Variants in PCDHGB2 observed in about 807,000 individuals in gnomAD.
The protein encoded by PCDHGB2 is protocadherin gamma-B2.
Under a neutral mutation model 59.3 loss-of-function variants are expected in PCDHGB2, and 55 were observed. The ratio of observed to expected loss-of-function variants is 0.93; its 90% CI spans 0.75 to 1.16. The LOEUF (loss-of-function observed/expected upper bound fraction) is 1.16, where lower values mean the gene tolerates loss of function less well. Among genes scored for constraint, PCDHGB2 ranks in the 50% most tolerant of loss-of-function variants. The probability of loss-of-function intolerance (pLI) is 0.00; values close to 1 mark genes in which losing one functional copy is unlikely to be tolerated. For synonymous variants in PCDHGB2, 516 were observed against 512.0 expected (o/e 1.01, Z -0.11); for missense variants, 1,228 against 1,198.5 (o/e 1.02, Z -0.36).
chr5:141,375,128 G>C (rs372521976), intron 1 of PCDHGB2: 1 of 1,613,780 alleles, frequency 6.2e-7, no homozygotes, highest in Non-Finnish European at 8.5e-7. Flanking sequence ...AGAAGTGGTT[G>C]TTACATCTGG....
chr5:141,384,651 C>T (rs138410124), intron 1 of PCDHGB2: 42,093 of 1,614,188 alleles, frequency 0.026, 638 homozygotes, highest in Non-Finnish European at 0.031. Context: ...CCGCAGAGCC[C>T]GGCTACCTGG....
At chr5:141,419,034 T>C in intron 1 of PCDHGB2, 1 of 1,613,902 alleles carries the variant, frequency 6.2e-7, no homozygotes, top group Non-Finnish European at 8.5e-7. Flanking sequence ...GGTGTTCCAT[T>C]TAAGATTCAT....
chr5:141,444,472 C>A (rs559334960), intron 1 of PCDHGB2, among the ~76,000 whole-genome samples: 2 of 151,850 alleles, frequency 1.3e-5, no homozygotes, highest in Non-Finnish European at 2.9e-5. Context: ...CGCCCGGTCG[C>A]GTACTGGATT....
Position 141,477,354 on chromosome 5 carries a change from C to T in PCDHGB2, c.2422-17453C>T, listed in dbSNP as rs1164062950. On this transcript the variant is annotated intron_variant, in intron 1 of 3. Coordinates refer to ENST00000522605, the MANE Select transcript of PCDHGB2 (RefSeq NM_018923.3). This position sits in a 1 kb window ranked among gnomAD's most constrained non-coding sequence, Gnocchi z 4.9. ...AATTACTTCACTTTGAAAACCAGTG[C>T]AGACCTGGATCGGGAGACTGTGCCA... 14 of 1,614,202 alleles carry T rather than the reference C, an allele frequency of 8.7e-6. No homozygotes were observed. The highest frequency in any genetic ancestry group is 1.1e-5 in the Non-Finnish European group (13 of 1,180,036).
chr5:141,422,577 T>G, intron 1 of PCDHGB2: 1 of 1,613,848 alleles, frequency 6.2e-7, no homozygotes, highest in Non-Finnish European at 8.5e-7. Context: ...ACGATAACCC[T>G]CCCGTTTTTC....
intron 1 of PCDHGB2, chr5:141,410,442 C>G (rs1444532577): frequency 6.2e-7 from 1 of 1,613,942 alleles, no homozygotes; most frequent in Admixed American, 1.7e-5. Context: ...AGTGAGGGGA[C>G]TTTGCCTTAT....
chr5:141,427,528 A>G (rs1360860476), intron 1 of PCDHGB2: 1 of 617,748 alleles, frequency 1.6e-6, no homozygotes, highest in Non-Finnish European at 3.0e-6. Context: ...CGGATCCCGG[A>G]GTACAACGTC....
Position 141,477,060 on chromosome 5 carries a change from C to G in PCDHGB2, c.2422-17747C>G. On this transcript the variant is annotated intron_variant, in intron 1 of 3. Coordinates refer to ENST00000522605, the MANE Select transcript of PCDHGB2 (RefSeq NM_018923.3). The surrounding 1 kb of genome is among the most constrained non-coding windows in gnomAD (Gnocchi z 4.9). ...AAGGGTCGGCTGGACTTCGAGGACA[C>G]CAAACTCCATGAGATTTACATCCAG... The G allele has an allele frequency of 1.2e-6, 2 of 1,614,256 alleles. No individual in the cohort carries two copies. The highest frequency in any genetic ancestry group is 2.2e-5 in the South Asian group (2 of 91,086).
chr5:141,370,196 T>C (rs1298112145), intron 1 of PCDHGB2: 4 of 533,354 alleles, frequency 7.5e-6, no homozygotes, highest in Admixed American at 3.6e-5. Context: ...GCTAGTGCTG[T>C]GCAAAATATT....
intron 1 of PCDHGB2, chr5:141,428,599 A>G (rs1324155257): frequency 8.9e-6 from 2 of 223,902 alleles, no homozygotes; most frequent in Non-Finnish European, 1.8e-5. Context: ...AGCAAGCTTC[A>G]CTGAAGAGAA....
intron 1 of PCDHGB2, chr5:141,382,906 G>A (rs1778564792): frequency 6.5e-7 from 1 of 1,544,848 alleles, no homozygotes; most frequent in Non-Finnish European, 8.7e-7. Context: ...GACTATGGCG[G>A]CTCAGCCGAG....
rs2094308599 is a variant in PCDHGB2 at position 141,402,798 on chromosome 5, C to T, written c.2421+40242C>T. ...TTTCCAGTTCTGCGGCTACACAAAA[C>T]CCGGCAGATACCACAAACCTGCTCC... On this transcript the variant is annotated intron_variant, in intron 1 of 3. Transcript: ENST00000522605. 7.6e-6 allele frequency: 8 copies of T among 1,054,376 alleles called. No individual in the cohort carries two copies. The South Asian group carries it at 1.6e-4, about 20-fold the overall frequency. The allele number at this position is 1,054,376 out of a possible 1,614,324, so 65.3% of individuals were successfully genotyped here. A position where few individuals can be genotyped will look rare whatever the true frequency, so the allele number is the denominator to read the frequency against.
At chr5:141,461,133 T>C (rs2099009646) in intron 1 of PCDHGB2, among the ~76,000 whole-genome samples, 1 of 152,086 alleles carries the variant, frequency 6.6e-6, no homozygotes, top group South Asian at 2.1e-4. Flanking sequence ...TAATTACTTA[T>C]TTTCCTTTGG....
intron 1 of PCDHGB2, chr5:141,372,525 A>G: frequency 6.2e-7 from 1 of 1,613,804 alleles, no homozygotes; most frequent in South Asian, 1.1e-5. Flanking sequence ...GATTCTGGCA[A>G]TCTCCCTGCG....
intron 1 of PCDHGB2, chr5:141,405,447 T>C (rs2094668355): frequency 7.5e-7 from 1 of 1,339,134 alleles, no homozygotes; most frequent in South Asian, 1.3e-5. Flanking sequence ...TGAGACAGAG[T>C]CTTACTCTGT....
chr5:141,421,679 C>A, intron 1 of PCDHGB2: 1 of 1,613,810 alleles, frequency 6.2e-7, no homozygotes, highest in East Asian at 2.2e-5. Flanking sequence ...ATTCCTGGGG[C>A]GCGATTTGCT....
rs200491568 is a variant in PCDHGB2, at chr5:141,493,146, G to A, written c.2422-1661G>A. 9.6e-6 allele frequency among the ~76,000 whole-genome samples: 1 copy of A among 104,172 alleles called. No homozygotes were observed. The highest frequency in any genetic ancestry group is 3.1e-5 in the African/African-American group (1 of 32,680). 68.3% of individuals were successfully genotyped at this position (104,172 alleles called of 152,430 possible). A position where few individuals can be genotyped will look rare whatever the true frequency, so the allele number is the denominator to read the frequency against. On this transcript the variant is annotated intron_variant, in intron 1 of 3. Transcript: ENST00000522605. The surrounding 1 kb of genome is among the most constrained non-coding windows in gnomAD (Gnocchi z 4.3). ...AGGACTGTATTTTGAAACACCCCCA[G>A]GTGATTTTGATAGCTGATTGAGAGA... is the stretch of plus-strand genomic sequence containing the variant.
intron 1 of PCDHGB2, chr5:141,419,649 A>C: frequency 6.2e-7 from 1 of 1,612,422 alleles, no homozygotes; most frequent in Non-Finnish European, 8.5e-7. Context: ...GTGGACGCGG[A>C]CTCGGGGCAC....
chr5:141,415,533 G>A (rs749139053), intron 1 of PCDHGB2: 11 of 1,614,198 alleles, frequency 6.8e-6, no homozygotes, highest in Non-Finnish European at 6.8e-6. Flanking sequence ...TCATCAGCCA[G>A]GAGAGCTGTG....
Sources: gnomAD v4.1 joint callset for allele counts (sites outside exome capture counted in the v4.1 genomes callset) on GRCh38, gnomAD v4.1.1 for gene constraint, Gnocchi (gnomAD v3.1) non-coding constraint, MANE v1.5 for transcripts, NCBI Gene and HGNC (gene_info 2026-07-23, HGNC 2026-07-21) for gene names.